Variants in STX8 observed in about 807,000 individuals in gnomAD.
STX8 encodes the protein syntaxin 8, also known as syntaxin-8.
A neutral mutation model predicts 37.5 loss-of-function variants in STX8; 23 were observed. The observed-to-expected ratio is 0.61, with a 90% CI of 0.44 to 0.87. The LOEUF (loss-of-function observed/expected upper bound fraction) is 0.87, where lower values mean the gene tolerates loss of function less well. Ranked by LOEUF, STX8 falls within the 40% of genes least tolerant of loss-of-function variation. The pLI is 0.00. For synonymous variants in STX8, 115 were observed against 99.1 expected (o/e 1.16, Z -0.95); for missense variants, 313 against 284.7 (o/e 1.10, Z -0.71).
intron 7 of STX8, among the ~76,000 whole-genome samples, chr17:9,325,255 G>A (rs928642280): frequency 2.0e-5 from 3 of 152,160 alleles, no homozygotes; most frequent in Admixed American, 2.0e-4. Flanking sequence ...CCCCTCATAA[G>A]TCAAAGAGCA....
chr17:9,443,611 G>A (rs563150632), intron 6 of STX8, among the ~76,000 whole-genome samples: 43 of 152,196 alleles, frequency 2.8e-4, no homozygotes, highest in African/African-American at 9.9e-4. Context: ...CACAGTCATT[G>A]TCCAACTGTG....
At chr17:9,474,495 C>T (rs923610145) in intron 6 of STX8, among the ~76,000 whole-genome samples, 14 of 152,064 alleles carry the variant, frequency 9.2e-5, no homozygotes, top group Non-Finnish European at 2.1e-4. Flanking sequence ...GCCTCAGCCT[C>T]CCAAGTAGCT....
chr17:9,507,527 G>A lies in STX8; in HGVS notation c.324-2365C>T, dbSNP rs977549556. 2.0e-5 allele frequency among the ~76,000 whole-genome samples: 3 copies of A among 152,290 alleles called. No individual in the cohort carries two copies. The East Asian group carries it at 5.8e-4, about 29-fold the overall frequency. On this transcript the variant is annotated intron_variant, in intron 4 of 7. Coordinates refer to ENST00000306357, the MANE Select transcript of STX8 (RefSeq NM_004853.3). The surrounding 1 kb of genome is among the most constrained non-coding windows in gnomAD (Gnocchi z 4.0). ...AGCAGGCATTCCCCACAGGAGAGCT[G>A]AGCAGCAGTGTGCCCATGTCCCAAA...
intron 7 of STX8, among the ~76,000 whole-genome samples, chr17:9,295,083 T>C (rs769849366): frequency 1.3e-4 from 20 of 152,236 alleles, no homozygotes; most frequent in Non-Finnish European, 2.4e-4. Context: ...TATTTTGTTA[T>C]GGCAGCTTGA....
At chr17:9,272,857 C>G (rs1256491874) in intron 7 of STX8, among the ~76,000 whole-genome samples, 1 of 152,192 alleles carries the variant, frequency 6.6e-6, no homozygotes, top group African/African-American at 2.4e-5. Context: ...ATGGGTCTTC[C>G]CACCTTCCTC....
At chr17:9,463,170 T>C (rs1176491169) in intron 6 of STX8, among the ~76,000 whole-genome samples, 1 of 152,216 alleles carries the variant, frequency 6.6e-6, no homozygotes, top group Non-Finnish European at 1.5e-5. Context: ...CACCTCTTTA[T>C]TAGCTACGTG....
intron 6 of STX8, among the ~76,000 whole-genome samples, chr17:9,444,191 G>A (rs1567563371): frequency 6.6e-6 from 1 of 151,756 alleles, no homozygotes; most frequent in Non-Finnish European, 1.5e-5. Flanking sequence ...GTCTTGCTAT[G>A]TTGTCCCAGG....
chr17:9,483,189 C>T (rs1167792547), intron 6 of STX8, among the ~76,000 whole-genome samples: 4 of 152,092 alleles, frequency 2.6e-5, no homozygotes, highest in East Asian at 3.9e-4. Flanking sequence ...AGGCGACCCC[C>T]GCAGAAGCTC....
intron 7 of STX8, among the ~76,000 whole-genome samples, chr17:9,373,375 C>G (rs768409120): frequency 6.6e-6 from 1 of 151,730 alleles, no homozygotes; most frequent in Non-Finnish European, 1.5e-5. Flanking sequence ...TGTCCACTGA[C>G]AAATGGATAA....
chr17:9,325,597 C>T (rs951563577), intron 7 of STX8, among the ~76,000 whole-genome samples: 4 of 152,190 alleles, frequency 2.6e-5, no homozygotes, highest in African/African-American at 9.6e-5. Context: ...TTTCATTTTG[C>T]GATGGGCTGC....
At chr17:9,474,711 G>A (rs1303752155) in intron 6 of STX8, among the ~76,000 whole-genome samples, 5 of 152,348 alleles carry the variant, frequency 3.3e-5, no homozygotes, top group African/African-American at 7.2e-5. Flanking sequence ...AGTGGCTCAC[G>A]CCTGTAATCC....
chr17:9,556,760 T>TATATATATATATACATAC (rs1906982507), intron 3 of STX8: 1 of 5,924 alleles, frequency 1.7e-4, no homozygotes, highest in African/African-American at 5.5e-4. Context: ...AATATATATA[T>TATATATATATATACATAC]ATATATATAT....
chr17:9,540,015 G>A (rs1817947076), intron 4 of STX8, among the ~76,000 whole-genome samples: 1 of 152,180 alleles, frequency 6.6e-6, no homozygotes, highest in African/African-American at 2.4e-5. Flanking sequence ...GGAAGGCTAG[G>A]TCCAACAAGA....
chr17:9,441,267 G>A (rs528140242), intron 6 of STX8, among the ~76,000 whole-genome samples: 10 of 151,876 alleles, frequency 6.6e-5, no homozygotes, highest in South Asian at 4.2e-4. Flanking sequence ...CAAGGCGGGC[G>A]GATCACGAGG....
chr17:9,315,971 C>T (rs777909244), intron 7 of STX8, among the ~76,000 whole-genome samples: 7 of 151,218 alleles, frequency 4.6e-5, no homozygotes, highest in Non-Finnish European at 8.8e-5. Context: ...GCCGAGATCA[C>T]GCCACTGCAC....
At chr17:9,327,567 A>C (rs1909820504) in intron 7 of STX8, among the ~76,000 whole-genome samples, 1 of 152,070 alleles carries the variant, frequency 6.6e-6, no homozygotes. Context: ...GTCTGTTTGG[A>C]TTCTTCCTGG....
intron 7 of STX8, among the ~76,000 whole-genome samples, chr17:9,344,372 TGCCTCA>T (rs1242195924): frequency 6.6e-6 from 1 of 152,040 alleles, no homozygotes; most frequent in East Asian, 1.9e-4. Flanking sequence ...GCAATTCGCC[TGCCTCA>T]GCCTCCCGAG....
At chr17:9,490,356 T>C (rs4791843) in intron 6 of STX8, among the ~76,000 whole-genome samples, 100,980 of 151,904 alleles carry the variant, frequency 0.66, 35,166 homozygotes, top group Middle Eastern at 0.84. Context: ...AGGGCTTCGA[T>C]GCTTGCTCAT....
intron 4 of STX8, among the ~76,000 whole-genome samples, chr17:9,524,062 C>A (rs2065250682): frequency 6.6e-6 from 1 of 152,204 alleles, no homozygotes; most frequent in African/African-American, 2.4e-5. Context: ...ATTCTGGCAT[C>A]TTTTCCCTCT....
Sources: allele counts gnomAD v4.1 joint callset (sites outside exome capture counted in the v4.1 genomes callset), GRCh38; gene constraint gnomAD v4.1.1; non-coding constraint Gnocchi (gnomAD v3.1); transcripts MANE v1.5; gene names NCBI Gene and HGNC (gene_info 2026-07-23, HGNC 2026-07-21).